The following VPS8 variants were observed in gnomAD, a reference collection of about 807,000 sequenced individuals.
VPS8 encodes vacuolar protein sorting-associated protein 8 homolog.
Under a neutral mutation model 216.4 loss-of-function variants are expected in VPS8, and 129 were observed. The observed-to-expected ratio is 0.60, with a 90% CI of 0.52 to 0.69. The LOEUF (loss-of-function observed/expected upper bound fraction) is 0.69. VPS8 is among the 30% of genes least tolerant of loss of function. VPS8 has a pLI of 0.00. For missense variants in VPS8, 1,531 were observed against 1,683.5 expected (o/e 0.91, Z 1.59); for synonymous variants, 571 against 565.4 (o/e 1.01, Z -0.14).
intron 2 of VPS8, among the ~76,000 whole-genome samples, chr3:184,825,891 A>G (rs1412949383): frequency 6.6e-6 from 1 of 150,450 alleles, no homozygotes; most frequent in African/African-American, 2.5e-5. Context: ...TCACAGCAAG[A>G]CTCTGTCTCA....
chr3:184,901,107 C>A, intron 25 of VPS8, 135 bp downstream of exon 25: 1 of 768,584 alleles, frequency 1.3e-6, no homozygotes. Context: ...CCACCATAAT[C>A]AAGCTGCAGA....
chr3:184,979,405 A>G (rs1173872957), intron 40 of VPS8, among the ~76,000 whole-genome samples: 5 of 152,176 alleles, frequency 3.3e-5, no homozygotes, highest in Non-Finnish European at 7.3e-5. Context: ...GGAGTATTGA[A>G]GTCTCCCACT....
intron 25 of VPS8, among the ~76,000 whole-genome samples, chr3:184,911,770 A>G (rs1736577009): frequency 6.6e-6 from 1 of 152,162 alleles, no homozygotes; most frequent in Admixed American, 6.5e-5. Flanking sequence ...GATTTACAAG[A>G]CATTAAGGAC....
chr3:184,969,636 G>T (rs999937500), intron 39 of VPS8, among the ~76,000 whole-genome samples: 3 of 148,282 alleles, frequency 2.0e-5, no homozygotes, highest in African/African-American at 7.5e-5. Context: ...CACCATGTTG[G>T]CCAGGCTGGT....
At chr3:184,823,193 C>A (rs574307055) in intron 1 of VPS8, among the ~76,000 whole-genome samples, 1 of 152,218 alleles carries the variant, frequency 6.6e-6, no homozygotes, top group South Asian at 2.1e-4. Context: ...TTAAAAACAA[C>A]TAATCTCAGT....
chr3:185,025,717 C>T (rs572625694), intron 46 of VPS8, among the ~76,000 whole-genome samples: 2 of 152,064 alleles, frequency 1.3e-5, no homozygotes, highest in East Asian at 1.9e-4. Context: ...AGTAAGTAGA[C>T]GAGGAAATGG....
At position 184,951,890 on chromosome 3, in the gene VPS8, C is replaced by T. The variant is rs773927989; in HGVS notation, c.3036-5484C>T. On this transcript the variant is annotated intron_variant, in intron 36 of 47. Coordinates refer to ENST00000625842, the MANE Select transcript of VPS8 (RefSeq NM_001009921.3). ...TGGCCTGATTATTTCCCATCAGACA[C>T]GTTACTTCTCTCACAAATGAATCCA... Among the ~76,000 whole-genome samples the T allele has an allele frequency of 7.9e-5, 12 of 152,278 alleles. No homozygotes were observed. The Middle Eastern group carries it at 0.014, about 173-fold the overall frequency.
At chr3:185,009,985 CAAAAAAAAAAAAA>C (rs11367805) in intron 45 of VPS8, among the ~76,000 whole-genome samples, 2 of 91,390 alleles carry the variant, frequency 2.2e-5, no homozygotes, top group Non-Finnish European at 4.6e-5. Flanking sequence ...ACTTCAGGTC[CAAAAAAAAAAAAA>C]AAAAAAAAGG....
In VPS8 at chr3:184,999,698, G is replaced by T; in HGVS notation, c.3839G>T (p.Cys1280Phe). ...AATTGGTTGCCTTCGTTTTGCAGCTGTGGCCATTTGTATCACTCATTCTGC... is the reference window on the plus strand; with the variant it reads ...AATTGGTTGCCTTCGTTTTGCAGCTTTGGCCATTTGTATCACTCATTCTGC... ...EMADEIIVFS[C>F]GHLYHSFCLQ... The change falls in exon 45 of 48, where the codon TGT (cysteine) becomes TTT (phenylalanine). Residue 1280 changes from cysteine (C) to phenylalanine (F), a missense_variant and splice_region_variant. Cys to Phe is a radical substitution (Grantham distance 205, BLOSUM62 -2). Around this residue, in one of 3 missense-constraint regions of VPS8, gnomAD observed 1,318 missense variants for 1,468.4 expected, o/e 0.90. Transcript: ENST00000625842. The T allele has an allele frequency of 6.2e-7, 1 of 1,602,478 alleles. No individual in the cohort carries two copies. The highest frequency in any genetic ancestry group is 8.5e-7 in the Non-Finnish European group (1 of 1,176,746).
At chr3:184,953,401 G>T (rs978353125) in intron 36 of VPS8, among the ~76,000 whole-genome samples, 1 of 152,200 alleles carries the variant, frequency 6.6e-6, no homozygotes, top group Admixed American at 6.5e-5. Context: ...TGGATTCAGA[G>T]ATTCTTTGAT....
In VPS8 at chr3:185,052,098, T is replaced by A; in HGVS notation, c.*73T>A. 1.3e-6 allele frequency: 2 copies of A among 1,493,436 alleles called. No individual in the cohort carries two copies. Among genetic ancestry groups the A allele is most frequent in the African/African-American group, 1.4e-5 (1 of 71,824 alleles). The allele number at this position is 1,493,436 out of a possible 1,614,324, so 92.5% of individuals were successfully genotyped here. On this transcript the variant is annotated 3_prime_UTR_variant, in exon 48 of 48. Coordinates refer to ENST00000625842, the MANE Select transcript of VPS8 (RefSeq NM_001009921.3). ...AGCTGGGGAGAGGCCCCGCCTCTGG[T>A]GGGCTTGGCCTCCACCACCTCCCAC...
At chr3:184,893,279 C>T in intron 22 of VPS8, 1 of 1,288,190 alleles carries the variant, frequency 7.8e-7, no homozygotes, top group South Asian at 1.2e-5. Context: ...TCAGGAGCTT[C>T]CTTGATGTTT....
intron 36 of VPS8, among the ~76,000 whole-genome samples, chr3:184,954,179 G>C (rs534025532): frequency 2.0e-4 from 30 of 152,186 alleles, no homozygotes; most frequent in Non-Finnish European, 4.0e-4. Flanking sequence ...AATGAATAGG[G>C]AGAGGTTTGT....
In VPS8 at chr3:184,849,191, G is replaced by A; in HGVS notation, c.662G>A (p.Gly221Glu). Residue 221 changes from glycine to glutamate, a missense_variant, in exon 9 of 48, where the codon GGA (glycine) becomes GAA (glutamate). Physicochemically the swap from Gly to Glu is moderately conservative, Grantham distance 98. This residue lies in a region of VPS8 where 1,318 missense variants were observed against 1,468.4 expected (regional missense o/e 0.90). Coordinates refer to ENST00000625842, the MANE Select transcript of VPS8 (RefSeq NM_001009921.3). Reference sequence around the variant, plus strand: ...AGACTTCTTTGTGGCTTTGCTAAAGGACAGGTAAGATATGAACCTCCTTTA... The same window carrying A: ...AGACTTCTTTGTGGCTTTGCTAAAGAACAGGTAAGATATGAACCTCCTTTA... ...CSRLLCGFAK[G>E]QITMWDLASG... 6.2e-7 allele frequency: 1 copy of A among 1,612,952 alleles called. No individual in the cohort carries two copies. The highest frequency in any genetic ancestry group is 8.5e-7 in the Non-Finnish European group (1 of 1,179,248).
At chr3:184,836,828 C>G (rs994837827) in intron 5 of VPS8, among the ~76,000 whole-genome samples, 7 of 152,258 alleles carry the variant, frequency 4.6e-5, no homozygotes, top group African/African-American at 1.4e-4. Flanking sequence ...ATGGAAAACA[C>G]TTGGAGAGAT....
Position 184,854,135 on chromosome 3 carries a change from C to A in VPS8, c.997C>A (p.Pro333Thr). 3 of 1,613,764 alleles carry A rather than the reference C, an allele frequency of 1.9e-6. No individual in the cohort carries two copies. The highest frequency in any genetic ancestry group is 2.5e-6 in the Non-Finnish European group (3 of 1,179,762). ...ACAGATACTGGTCATTGGATTGAAA[C>A]CATCCTTGAAAGTATGGATGACTTT... ...LTKILVIGLK[P>T]SLKVWMTFPY... is the part of the protein sequence containing the mutation. The change falls in exon 13 of 48, where the codon CCA becomes ACA. Residue 333 changes from proline to threonine, a missense_variant. Around this residue, in one of 3 missense-constraint regions of VPS8, gnomAD observed 1,318 missense variants for 1,468.4 expected, o/e 0.90. Transcript: ENST00000625842.
At chr3:185,039,599 C>A (rs2108499411) in intron 46 of VPS8, among the ~76,000 whole-genome samples, 1 of 152,006 alleles carries the variant, frequency 6.6e-6, no homozygotes, top group South Asian at 2.1e-4. Context: ...CAGCTCAAAT[C>A]TGTCTCCCTA....
chr3:184,835,330 C>T (rs1057372591), intron 5 of VPS8, among the ~76,000 whole-genome samples: 1 of 152,092 alleles, frequency 6.6e-6, no homozygotes, highest in Non-Finnish European at 1.5e-5. Context: ...GGGTTTCTGG[C>T]TTCAAGTGTA....
intron 36 of VPS8, among the ~76,000 whole-genome samples, chr3:184,941,416 TC>T (rs1458902418): frequency 6.9e-6 from 1 of 145,622 alleles, no homozygotes; most frequent in Non-Finnish European, 1.5e-5. Flanking sequence ...AGGGTAGACA[TC>T]CTTTTTTTTT....
Sources: allele counts gnomAD v4.1 joint callset (sites outside exome capture counted in the v4.1 genomes callset), GRCh38; gene constraint gnomAD v4.1.1; regional missense constraint gnomAD v4.1.1; transcripts MANE v1.5; gene names NCBI Gene and HGNC (gene_info 2026-07-23, HGNC 2026-07-21).